Variants in NRG3 observed in about 807,000 individuals in gnomAD.
The protein encoded by NRG3 is pro-neuregulin-3, membrane-bound isoform.
A neutral mutation model predicts 66.9 loss-of-function variants in NRG3; 31 were observed. The observed-to-expected ratio is 0.46, with a 90% CI of 0.35 to 0.63. The LOEUF is 0.63. Ranked by LOEUF, NRG3 falls within the 20% of genes least tolerant of loss-of-function variation. NRG3 has a pLI of 0.00. For synonymous variants in NRG3, 393 were observed against 359.4 expected, an observed-to-expected ratio of 1.09 and a Z score of -1.06; for missense variants, 910 against 878.9, an observed-to-expected ratio of 1.04 and a Z score of -0.45.
intron 2 of NRG3, among the ~76,000 whole-genome samples, chr10:82,668,957 T>C (rs1006311428): frequency 6.6e-5 from 10 of 152,170 alleles, no homozygotes; most frequent in African/African-American, 2.4e-4. Flanking sequence ...GCTATGCTAC[T>C]TCCCATCTGG....
chr10:82,842,660 T>C (rs751885156), intron 3 of NRG3, among the ~76,000 whole-genome samples: 17 of 152,232 alleles, frequency 1.1e-4, no homozygotes, highest in Non-Finnish European at 2.4e-4. Context: ...ATGAGGGACA[T>C]GTTCCAAGGC....
chr10:82,319,340 T>G (rs775643696), intron 1 of NRG3, among the ~76,000 whole-genome samples: 7 of 152,202 alleles, frequency 4.6e-5, no homozygotes, highest in Non-Finnish European at 8.8e-5. Flanking sequence ...GCTTACATTT[T>G]GTCTTCAGAT....
chr10:82,077,672 T>A (rs993514542), intron 1 of NRG3, among the ~76,000 whole-genome samples: 13 of 152,192 alleles, frequency 8.5e-5, no homozygotes, highest in African/African-American at 2.9e-4. Flanking sequence ...TCTTGAAGTT[T>A]AAAGAAATCT....
intron 1 of NRG3, among the ~76,000 whole-genome samples, chr10:82,302,212 C>T (rs2080444017): frequency 6.6e-6 from 1 of 151,782 alleles, no homozygotes; most frequent in Admixed American, 6.6e-5. Context: ...TTGCTGAAAC[C>T]TGTATTTATT....
chr10:82,641,789 A>G lies in NRG3; in HGVS notation c.954-96788A>G, dbSNP rs945711958. Among the ~76,000 whole-genome samples, 5 of 152,228 alleles carry G rather than the reference A, an allele frequency of 3.3e-5. No homozygotes were observed. In the East Asian group the frequency reaches 7.7e-4, roughly 23 times the overall value. On this transcript the variant is annotated intron_variant, in intron 2 of 8. Transcript: ENST00000372141. ...TGTAAATCAACTTATGATTAAAACA[A>G]CAAACTAATAAATAGAAGGAAAGAA...
chr10:82,328,655 C>T (rs1471834880), intron 1 of NRG3, among the ~76,000 whole-genome samples: 1 of 152,172 alleles, frequency 6.6e-6, no homozygotes, highest in Non-Finnish European at 1.5e-5. Flanking sequence ...GGACCTGTAA[C>T]TGCCTTGGAG....
At chr10:82,336,824 T>G (rs948042386) in intron 1 of NRG3, among the ~76,000 whole-genome samples, 3 of 152,214 alleles carry the variant, frequency 2.0e-5, no homozygotes, top group African/African-American at 7.2e-5. Context: ...AATGGAGAGA[T>G]AAGAATTGGA....
intron 1 of NRG3, among the ~76,000 whole-genome samples, chr10:82,059,942 A>G (rs1306287072): frequency 2.0e-5 from 3 of 152,212 alleles, no homozygotes; most frequent in Non-Finnish European, 4.4e-5. Flanking sequence ...TGGGTACTGG[A>G]CACAGGCAAA....
At chr10:82,051,065 C>T (rs1257943690) in intron 1 of NRG3, among the ~76,000 whole-genome samples, 2 of 151,994 alleles carry the variant, frequency 1.3e-5, no homozygotes, top group East Asian at 1.9e-4. Context: ...AGCAATATAT[C>T]GAGAATTCTT....
chr10:82,364,508 A>G lies in NRG3; in HGVS notation c.953+5640A>G, dbSNP rs547746824. ...TTTTTATGCCATTTCTAGAAATTTT[A>G]AAAATGTTGGCAATGGTGCTATGTA... On this transcript the variant is annotated intron_variant, in intron 2 of 8. Transcript: ENST00000372141. 3.9e-5 allele frequency among the ~76,000 whole-genome samples: 6 copies of G among 152,296 alleles called. No individual in the cohort carries two copies. In the South Asian group the frequency reaches 8.3e-4, roughly 21 times the overall value.
intron 8 of NRG3, chr10:82,984,681 G>T: frequency 1.7e-6 from 2 of 1,198,120 alleles, no homozygotes; most frequent in Non-Finnish European, 2.4e-6. Context: ...CTGAGAGGGT[G>T]GTCGAGTTGA....
intron 3 of NRG3, among the ~76,000 whole-genome samples, chr10:82,821,747 T>C (rs1259126982): frequency 6.6e-6 from 1 of 152,192 alleles, no homozygotes; most frequent in Non-Finnish European, 1.5e-5. Context: ...TTAACTTCCC[T>C]GACTACATTT....
At chr10:81,951,647 C>T (rs1849365222) in intron 1 of NRG3, among the ~76,000 whole-genome samples, 1 of 152,180 alleles carries the variant, frequency 6.6e-6, no homozygotes, top group Non-Finnish European at 1.5e-5. Flanking sequence ...TTGTATTCAA[C>T]TTCTGACACT....
intron 7 of NRG3, 104 bp from the exon 8 acceptor site, chr10:82,978,846 G>T (rs1852560742): frequency 1.7e-6 from 2 of 1,181,004 alleles, no homozygotes; most frequent in Non-Finnish European, 1.2e-6. Context: ...TTGAGAATTT[G>T]GGGTGCAGAT....
At chr10:82,166,716 CT>C (rs2072087820) in intron 1 of NRG3, 2 of 603,808 alleles carry the variant, frequency 3.3e-6, no homozygotes, top group East Asian at 2.9e-5. Context: ...GCTCTTCATT[CT>C]TTTGTTTAGA....
chr10:82,017,504 G>A (rs2061840476), intron 1 of NRG3, among the ~76,000 whole-genome samples: 1 of 152,046 alleles, frequency 6.6e-6, no homozygotes, highest in African/African-American at 2.4e-5. Context: ...GATCCCTGAG[G>A]AATCACCACA....
At chr10:81,937,622 A>G (rs895114268) in intron 1 of NRG3, among the ~76,000 whole-genome samples, 1 of 152,078 alleles carries the variant, frequency 6.6e-6, no homozygotes, top group Non-Finnish European at 1.5e-5. Context: ...GTTGAGTTGT[A>G]GGAGTTCTTT....
At chr10:82,076,630 G>A (rs1037711796) in intron 1 of NRG3, among the ~76,000 whole-genome samples, 1 of 152,088 alleles carries the variant, frequency 6.6e-6, no homozygotes, top group African/African-American at 2.4e-5. Flanking sequence ...TCTAGCTCTG[G>A]CAGTTCACAG....
At chr10:81,901,425 T>C (rs73319129) in intron 1 of NRG3, among the ~76,000 whole-genome samples, 3,037 of 152,250 alleles carry the variant, frequency 0.02, 80 homozygotes, top group African/African-American at 0.063. Context: ...CCAGTGCTTT[T>C]GGGAGGAAAA....
Sources: allele counts gnomAD v4.1 joint callset (sites outside exome capture counted in the v4.1 genomes callset), GRCh38; gene constraint gnomAD v4.1.1; transcripts MANE v1.5; gene names NCBI Gene and HGNC (gene_info 2026-07-23, HGNC 2026-07-21).